Variants in GALNT9 observed in about 807,000 individuals in gnomAD.
The protein encoded by GALNT9 is polypeptide N-acetylgalactosaminyltransferase 9, also known as GalNAc transferase 9.
In GALNT9, 47 loss-of-function variants were observed where a neutral mutation model predicts 63.1. The ratio of observed to expected loss-of-function variants is 0.75; its 90% CI spans 0.59 to 0.95. GALNT9 has a LOEUF of 0.95. GALNT9 is among the 40% of genes least tolerant of loss of function. The probability of loss-of-function intolerance (pLI) is 0.00; values close to 1 mark genes in which losing one functional copy is unlikely to be tolerated. For synonymous variants in GALNT9, 396 were observed against 365.7 expected, an observed-to-expected ratio of 1.08 and a Z score of -0.94; for missense variants, 829 against 874.8, an observed-to-expected ratio of 0.95 and a Z score of 0.66.
Position 132,258,293 on chromosome 12 carries a change from T to G in GALNT9, c.762-407A>C, listed in dbSNP as rs147442060. Among the ~76,000 whole-genome samples, 352 of 152,342 alleles carry G rather than the reference T, an allele frequency of 2.3e-3. 1 individual carries two copies. Among genetic ancestry groups the G allele is most frequent in the Non-Finnish European group, 4.0e-3 (269 of 68,028 alleles). On this transcript the variant is annotated intron_variant, in intron 4 of 10. Coordinates refer to ENST00000328957, the MANE Select transcript of GALNT9 (RefSeq NM_001122636.2). ...CTTTCCTGCTCCTGTGGGAGCTGCA[T>G]TCATTTGCAAGAATTAATTGAGGAT... is the stretch of plus-strand genomic sequence containing the variant.
At chr12:132,248,059 C>T (rs781902633) in intron 5 of GALNT9, 32 bp from the exon 6 acceptor site, 16 of 1,533,410 alleles carry the variant, frequency 1.0e-5, no homozygotes, top group East Asian at 2.4e-5. Context: ...GTGAGGACCT[C>T]GCCATGCAGG....
chr12:132,309,343 C>T (rs1350616150), intron 1 of GALNT9, among the ~76,000 whole-genome samples: 1 of 152,180 alleles, frequency 6.6e-6, no homozygotes, highest in East Asian at 1.9e-4. Flanking sequence ...CTCACGCAGC[C>T]GCCCTGGAGG....
intron 6 of GALNT9, chr12:132,205,452 C>T (rs745756076): frequency 8.0e-4 from 122 of 152,510 alleles, no homozygotes; most frequent in Non-Finnish European, 1.4e-3. Flanking sequence ...CCACACAGCA[C>T]GCAGCTAACG....
At position 132,252,343 on chromosome 12, in the gene GALNT9, G is replaced by A. The variant is rs1445442605; in HGVS notation, c.960-4316C>T. Reference sequence around the variant, plus strand: ...CACGACTGAAGCCTTCGTGTCTTGCGGACGCCGACACTGACATTTAATGTT... The same window carrying A: ...CACGACTGAAGCCTTCGTGTCTTGCAGACGCCGACACTGACATTTAATGTT... On this transcript the variant is annotated intron_variant, in intron 5 of 10. Transcript: ENST00000328957. The surrounding 1 kb of genome is among the most constrained non-coding windows in gnomAD (Gnocchi z 5.2). Among the ~76,000 whole-genome samples, 2 of 152,198 alleles carry A rather than the reference G, an allele frequency of 1.3e-5. No homozygotes were observed. The highest frequency in any genetic ancestry group is 1.5e-5 in the Non-Finnish European group (1 of 68,040).
Position 132,327,141 on chromosome 12 carries a change from G to T in GALNT9, c.238+1825C>A, listed in dbSNP as rs1869070199. On this transcript the variant is annotated intron_variant, in intron 1 of 10. Transcript: ENST00000328957. This position sits in a 1 kb window ranked among gnomAD's most constrained non-coding sequence, Gnocchi z 4.3. ...GATGGCAGGGGCCGTTCGGAGAAAGGCTGACAAGGGAGGACAGCTAGGATG... is the reference window on the plus strand; with the variant it reads ...GATGGCAGGGGCCGTTCGGAGAAAGTCTGACAAGGGAGGACAGCTAGGATG... Among the ~76,000 whole-genome samples, 1 of 152,142 alleles carries T rather than the reference G, an allele frequency of 6.6e-6. No individual in the cohort carries two copies. The highest frequency in any genetic ancestry group is 1.5e-5 in the Non-Finnish European group (1 of 68,018).
At chr12:132,226,060 CTG>C (rs1224647523) in intron 6 of GALNT9, among the ~76,000 whole-genome samples, 2 of 144,156 alleles carry the variant, frequency 1.4e-5, no homozygotes, top group Non-Finnish European at 3.0e-5. Context: ...ACACCCCACA[CTG>C]TACATACACA....
chr12:132,243,476 T>G (rs1593080819), intron 6 of GALNT9, among the ~76,000 whole-genome samples: 1 of 119,242 alleles, frequency 8.4e-6, no homozygotes, highest in African/African-American at 3.0e-5. Context: ...GACCTGAAGG[T>G]CAGGGCATCC....
chr12:132,306,652 G>A (rs926693046), intron 1 of GALNT9, among the ~76,000 whole-genome samples: 4 of 152,158 alleles, frequency 2.6e-5, no homozygotes, highest in South Asian at 2.1e-4. Flanking sequence ...CGTTCTCCAC[G>A]CCTTCCCCCC....
rs766704773 is a variant in GALNT9 at position 132,236,223 on chromosome 12, G to A, written c.1077+11687C>T. 2.6e-5 allele frequency among the ~76,000 whole-genome samples: 4 copies of A among 151,366 alleles called. No individual in the cohort carries two copies. The highest frequency in any genetic ancestry group is 7.3e-5 in the African/African-American group (3 of 41,208). On this transcript the variant is annotated intron_variant, in intron 6 of 10. Transcript: ENST00000328957. This position sits in a 1 kb window ranked among gnomAD's most constrained non-coding sequence, Gnocchi z 5.6. Reference sequence around the variant, plus strand: ...TGCCAGCCTCCCTCCCCCAGGCATCGATCTCGTGAATAAATCAGCAATGAC... The same window carrying A: ...TGCCAGCCTCCCTCCCCCAGGCATCAATCTCGTGAATAAATCAGCAATGAC...
chr12:132,278,020 C>T (rs1478152866), intron 2 of GALNT9: 1 of 150,638 alleles, frequency 6.6e-6, no homozygotes, highest in African/African-American at 2.4e-5. Flanking sequence ...CTCCCACACC[C>T]ACCCTCTCTG....
chr12:132,247,822 C>G, intron 6 of GALNT9, 88 bp downstream of exon 6: 1 of 1,536,720 alleles, frequency 6.5e-7, no homozygotes, highest in South Asian at 1.2e-5. Context: ...TCCCCGGACA[C>G]CGCGGCCTCA....
intron 5 of GALNT9, among the ~76,000 whole-genome samples, chr12:132,253,925 G>A (rs782262522): frequency 6.6e-6 from 1 of 152,170 alleles, no homozygotes; most frequent in African/African-American, 2.4e-5. Flanking sequence ...GAGGAAACAT[G>A]GCCGTGTGTC....
intron 1 of GALNT9, among the ~76,000 whole-genome samples, chr12:132,301,380 G>GACTGTTTC (rs1555243813): frequency 6.6e-5 from 10 of 152,274 alleles, no homozygotes; most frequent in African/African-American, 2.4e-4. Flanking sequence ...CTGTTTCACA[G>GACTGTTTC]ACAGAAGTGC....
chr12:132,217,150 C>T (rs1200040177), intron 6 of GALNT9, among the ~76,000 whole-genome samples: 3 of 152,144 alleles, frequency 2.0e-5, no homozygotes, highest in South Asian at 4.1e-4. Context: ...CACTTATTCA[C>T]CCACCTAGCC....
intron 6 of GALNT9, chr12:132,240,770 G>A (rs1555236947): frequency 2.2e-5 from 10 of 454,708 alleles, no homozygotes; most frequent in Non-Finnish European, 3.5e-5. Context: ...GAATTGGAAT[G>A]TGCAGTATGA....
intron 4 of GALNT9, among the ~76,000 whole-genome samples, chr12:132,258,596 G>C (rs1555239382): frequency 6.6e-6 from 1 of 152,202 alleles, no homozygotes; most frequent in Non-Finnish European, 1.5e-5. Context: ...AGTCTCAGAG[G>C]GTGCGGCAGC....
chr12:132,329,241 C>G lies in GALNT9; in HGVS notation c.-38G>C, dbSNP rs1422607355. 1.3e-6 allele frequency: 2 copies of G among 1,523,572 alleles called. No homozygotes were observed. The highest frequency in any genetic ancestry group is 2.4e-5 in the South Asian group (2 of 81,650). 94.4% of individuals were successfully genotyped at this position (1,523,572 alleles called of 1,614,324 possible). On this transcript the variant is annotated 5_prime_UTR_variant, in exon 1 of 11. Transcript: ENST00000328957. ...AGCGGGGGCCTCACCCGCGGGGCAT[C>G]CCCAGCATCCCCGCCCGGGCCTGGG...
At chr12:132,281,197 C>T (rs560432945) in intron 2 of GALNT9, among the ~76,000 whole-genome samples, 22 of 152,366 alleles carry the variant, frequency 1.4e-4, no homozygotes, top group East Asian at 7.7e-4. Flanking sequence ...TAAGACCCAG[C>T]GTCCACCGGG....
chr12:132,254,315 G>A (rs1242322578), intron 5 of GALNT9, among the ~76,000 whole-genome samples: 4 of 152,216 alleles, frequency 2.6e-5, no homozygotes, highest in Admixed American at 6.5e-5. Context: ...CGGCCCCTCC[G>A]CTGCTTTTAA....
Sources: allele counts gnomAD v4.1 joint callset (sites outside exome capture counted in the v4.1 genomes callset), GRCh38; gene constraint gnomAD v4.1.1; non-coding constraint Gnocchi (gnomAD v3.1); transcripts MANE v1.5; gene names NCBI Gene and HGNC (gene_info 2026-07-23, HGNC 2026-07-21).